Variants in FRAS1 observed in about 807,000 individuals in gnomAD.
FRAS1 encodes extracellular matrix organizing protein FRAS1.
A neutral mutation model predicts 435.2 loss-of-function variants in FRAS1; 290 were observed. The ratio of observed to expected loss-of-function variants is 0.67; its 90% CI spans 0.61 to 0.73. The LOEUF is 0.73. Ranked by LOEUF, FRAS1 falls within the 30% of genes least tolerant of loss-of-function variation. FRAS1 has a pLI of 0.00. For synonymous variants in FRAS1, 1,800 were observed against 1,851.0 expected (o/e 0.97, Z 0.71); for missense variants, 4,860 against 5,001.5 (o/e 0.97, Z 0.85).
At chr4:78,409,341 A>G (rs1733241526) in intron 31 of FRAS1, among the ~76,000 whole-genome samples, 1 of 152,136 alleles carries the variant, frequency 6.6e-6, no homozygotes, top group South Asian at 2.1e-4. Context: ...TGAGGAGGAA[A>G]TAACCTATCA....
intron 2 of FRAS1, among the ~76,000 whole-genome samples, chr4:78,105,557 G>C (rs930330876): frequency 6.6e-6 from 1 of 152,154 alleles, no homozygotes; most frequent in South Asian, 2.1e-4. Context: ...AGACCGATAC[G>C]AATTCTCTTT....
intron 61 of FRAS1, 71 bp downstream of exon 61, chr4:78,499,992 G>A (rs1720628352): frequency 4.9e-6 from 6 of 1,213,340 alleles, no homozygotes; most frequent in East Asian, 5.1e-5. Flanking sequence ...TTTGAAGAAA[G>A]GAATAAACAG....
At chr4:78,331,139 A>G (rs1415121440) in intron 18 of FRAS1, among the ~76,000 whole-genome samples, 1 of 152,242 alleles carries the variant, frequency 6.6e-6, no homozygotes, top group Non-Finnish European at 1.5e-5. Context: ...CTGTTTTATA[A>G]TCTTAAAAAA....
chr4:78,115,157 C>G lies in FRAS1; in HGVS notation c.108+49141C>G, dbSNP rs1330441536. Among the ~76,000 whole-genome samples, 43 of 151,248 alleles carry G rather than the reference C, an allele frequency of 2.8e-4. No homozygotes were observed. In the Admixed American group the frequency reaches 2.8e-3, roughly 10 times the overall value. On this transcript the variant is annotated intron_variant, in intron 2 of 73. Coordinates refer to ENST00000512123, the MANE Select transcript of FRAS1 (RefSeq NM_025074.7). ...TATTGATTTTTGTATGTTGAACCAG[C>G]CTTGCATCCCAGGGATGAAGCCCAC...
At chr4:78,213,108 C>T (rs1362071670) in intron 2 of FRAS1, among the ~76,000 whole-genome samples, 2 of 152,178 alleles carry the variant, frequency 1.3e-5, no homozygotes, top group Non-Finnish European at 2.9e-5. Flanking sequence ...GCAATTCCTA[C>T]CCCACAATCC....
chr4:78,209,955 G>T (rs1723433337), intron 2 of FRAS1, among the ~76,000 whole-genome samples: 1 of 152,098 alleles, frequency 6.6e-6, no homozygotes, highest in Admixed American at 6.6e-5. Context: ...CGGTTCTCAG[G>T]CTGTGTCCTG....
chr4:78,212,400 A>G (rs1723554020), intron 2 of FRAS1, among the ~76,000 whole-genome samples: 1 of 152,138 alleles, frequency 6.6e-6, no homozygotes, highest in Non-Finnish European at 1.5e-5. Flanking sequence ...ACCAAGTCAA[A>G]GGAGCTTAAG....
chr4:78,264,328 G>A (rs1726250053), intron 6 of FRAS1, among the ~76,000 whole-genome samples: 1 of 152,162 alleles, frequency 6.6e-6, no homozygotes, highest in African/African-American at 2.4e-5. Context: ...CTGGGAAAGG[G>A]TTCTTTGGGC....
At chr4:78,540,443 A>C in intron 73 of FRAS1, 88 bp from the exon 74 acceptor site, 1 of 739,522 alleles carries the variant, frequency 1.4e-6, no homozygotes, top group Non-Finnish European at 2.1e-6. Context: ...TTATCTATCA[A>C]GGCATATAGT....
Position 78,097,728 on chromosome 4 carries a change from C to G in FRAS1, c.108+31712C>G, listed in dbSNP as rs1390429231. Among the ~76,000 whole-genome samples, 2 of 152,200 alleles carry G rather than the reference C, an allele frequency of 1.3e-5. 1 individual carries two copies. Among genetic ancestry groups the G allele is most frequent in the African/African-American group, 4.8e-5 (2 of 41,462 alleles). On this transcript the variant is annotated intron_variant, in intron 2 of 73. Coordinates refer to ENST00000512123, the MANE Select transcript of FRAS1 (RefSeq NM_025074.7). Reference sequence around the variant, plus strand: ...TCTCCACTGGGTGCCTCCCACAACACATGGGAATTCTGGGAGCTACAAGAT... The same window carrying G: ...TCTCCACTGGGTGCCTCCCACAACAGATGGGAATTCTGGGAGCTACAAGAT...
intron 14 of FRAS1, among the ~76,000 whole-genome samples, chr4:78,299,306 T>C (rs1437753852): frequency 6.6e-6 from 1 of 152,136 alleles, no homozygotes; most frequent in African/African-American, 2.4e-5. Flanking sequence ...CCTGTCCTGA[T>C]TGGTAACACC....
chr4:78,212,200 A>G (rs1309315118), intron 2 of FRAS1, among the ~76,000 whole-genome samples: 1 of 152,178 alleles, frequency 6.6e-6, no homozygotes. Context: ...GTAAAATTTG[A>G]AAATTGTCAC....
At chr4:78,172,920 G>C (rs1721618267) in intron 2 of FRAS1, among the ~76,000 whole-genome samples, 1 of 152,028 alleles carries the variant, frequency 6.6e-6, no homozygotes, top group Admixed American at 6.5e-5. Context: ...GAATTTAGAG[G>C]TGATCATATG....
chr4:78,379,697 C>A, intron 26 of FRAS1, 29 bp from the exon 27 acceptor site: 1 of 1,597,568 alleles, frequency 6.3e-7, no homozygotes, highest in South Asian at 1.2e-5. Context: ...GTACCATAAG[C>A]TTGACCTTTG....
intron 15 of FRAS1, among the ~76,000 whole-genome samples, chr4:78,311,177 T>C (rs1336015246): frequency 6.6e-6 from 1 of 152,122 alleles, no homozygotes; most frequent in Non-Finnish European, 1.5e-5. Flanking sequence ...TCCTTTCTCT[T>C]TCTTCCCTCC....
chr4:78,319,938 C>T lies in FRAS1; in HGVS notation c.2137+952C>T, dbSNP rs117080523. 1.2e-3 allele frequency among the ~76,000 whole-genome samples: 184 copies of T among 152,368 alleles called. 2 individuals are homozygous for T. The East Asian group carries it at 0.034, about 28-fold the overall frequency. The stretch of plus-strand genomic sequence containing the variant: ...GCCCAGGGCCAGACACTTAACCTCT[C>T]TAAGTGTTTGCATTCACAGTGTTAG... On this transcript the variant is annotated intron_variant, in intron 18 of 73. Coordinates refer to ENST00000512123, the MANE Select transcript of FRAS1 (RefSeq NM_025074.7).
At chr4:78,443,483 A>C (rs1326427806) in intron 41 of FRAS1, among the ~76,000 whole-genome samples, 2 of 152,264 alleles carry the variant, frequency 1.3e-5, no homozygotes, top group Non-Finnish European at 2.9e-5. Flanking sequence ...TTGTTTTGTT[A>C]GGTATGAAAT....
At chr4:78,248,414 A>G (rs909301423) in intron 4 of FRAS1, among the ~76,000 whole-genome samples, 1 of 152,154 alleles carries the variant, frequency 6.6e-6, no homozygotes, top group Non-Finnish European at 1.5e-5. Context: ...CCTGTTTACT[A>G]ATCTAACCTC....
Position 78,249,068 on chromosome 4 carries a change from T to TATATATATATATATGC in FRAS1, c.310-3310_310-3309insGCATATATATATATAT, listed in dbSNP as rs1553934043. On this transcript the variant is annotated intron_variant, in intron 4 of 73. Transcript: ENST00000512123. ...CTACTGATATATATATATATGCATA[T>TATATATATATATATGC]ATATATATATATATATATGCATGTG... 1.4e-3 allele frequency among the ~76,000 whole-genome samples: 148 copies of TATATATATATATATGC among 106,622 alleles called. 24 individuals are homozygous for TATATATATATATATGC. Among genetic ancestry groups the TATATATATATATATGC allele is most frequent in the Non-Finnish European group, 2.7e-3 (133 of 49,292 alleles). The allele number at this position is 106,622 out of a possible 152,430, so 69.9% of individuals were successfully genotyped here. A position where few individuals can be genotyped will look rare whatever the true frequency, so the allele number is the denominator to read the frequency against.
Sources: allele counts gnomAD v4.1 joint callset (sites outside exome capture counted in the v4.1 genomes callset), GRCh38; gene constraint gnomAD v4.1.1; transcripts MANE v1.5; gene names NCBI Gene and HGNC (gene_info 2026-07-23, HGNC 2026-07-21).